Variants in RABEPK observed in about 807,000 individuals in gnomAD.
The protein encoded by RABEPK is Rab9 effector protein with kelch motifs.
A neutral mutation model predicts 34.1 loss-of-function variants in RABEPK; 27 were observed. The observed-to-expected ratio is 0.79, with a 90% CI of 0.58 to 1.09. RABEPK has a LOEUF of 1.09. RABEPK is among the 50% of genes least tolerant of loss of function. RABEPK has a pLI of 0.00. For synonymous variants in RABEPK, 172 were observed against 169.2 expected, an observed-to-expected ratio of 1.02 and a Z score of -0.13; for missense variants, 449 against 462.6, an observed-to-expected ratio of 0.97 and a Z score of 0.27.
chr9:125,214,100 C>T (rs1393598452), intron 4 of RABEPK, among the ~76,000 whole-genome samples: 1 of 149,870 alleles, frequency 6.7e-6, no homozygotes, highest in South Asian at 2.1e-4. Flanking sequence ...CCAGCCTGGG[C>T]GACAGAGTGA....
At chr9:125,217,378 G>T (rs1166655910) in intron 4 of RABEPK, among the ~76,000 whole-genome samples, 1 of 152,028 alleles carries the variant, frequency 6.6e-6, no homozygotes, top group African/African-American at 2.4e-5. Flanking sequence ...GTCAAAGAGG[G>T]TGATTTTATT....
At position 125,231,219 on chromosome 9, in the gene RABEPK, G is replaced by GGGAGGT. The variant is rs991109098; in HGVS notation, c.677-1370_677-1365dup. Among the ~76,000 whole-genome samples, 16 of 152,210 alleles carry GGGAGGT rather than the reference G, an allele frequency of 1.1e-4. 1 individual carries two copies. Among genetic ancestry groups the GGGAGGT allele is most frequent in the African/African-American group, 3.9e-4 (16 of 41,540 alleles). On this transcript the variant is annotated intron_variant, in intron 6 of 7. Coordinates refer to ENST00000373538, the MANE Select transcript of RABEPK (RefSeq NM_005833.4). ...TGAGGCAGGAGCATCGCTTGAATCCGGGAGGTGGAGGTTGCAGTGAGCTGA... is the reference window on the plus strand; with the variant it reads ...TGAGGCAGGAGCATCGCTTGAATCCGGGAGGTGGAGGTGGAGGTTGCAGTGAGCTGA...
At chr9:125,201,207 AC>A (rs1829883927) in intron 1 of RABEPK, among the ~76,000 whole-genome samples, 1 of 152,224 alleles carries the variant, frequency 6.6e-6, no homozygotes, top group South Asian at 2.1e-4. Context: ...GGAAGGTTTC[AC>A]CAGGGAAGGG....
At position 125,226,105 on chromosome 9, in the gene RABEPK, G is replaced by A. The variant is rs184030167; in HGVS notation, c.527-1805G>A. On this transcript the variant is annotated intron_variant, in intron 5 of 7. Transcript: ENST00000373538. ...GCAGAGGTTGCAGCAAGCCAAGATC[G>A]CACCACTGCACTCCAGCCTGGGTAA... is the stretch of plus-strand genomic sequence containing the variant. Among the ~76,000 whole-genome samples the A allele has an allele frequency of 7.3e-5, 11 of 150,212 alleles. No homozygotes were observed. In the East Asian group the frequency reaches 7.8e-4, roughly 11 times the overall value.
In RABEPK at chr9:125,232,644, G is replaced by A; in HGVS notation, c.725G>A (p.Gly242Asp). Residue 242 changes from glycine to aspartate, a missense_variant, in exon 7 of 8, where the codon GGC (glycine) becomes GAC (aspartate). Coordinates refer to ENST00000373538, the MANE Select transcript of RABEPK (RefSeq NM_005833.4). Reference protein sequence around the residue: ...KLNPTGAAPAGCAAHSAVAMG... With the variant: ...KLNPTGAAPADCAAHSAVAMG... ...AATCCCACTGGGGCTGCTCCAGCAG[G>A]CTGTGCTGCCCACTCAGCTGTGGCC... The A allele has an allele frequency of 6.2e-7, 1 of 1,614,088 alleles. No homozygotes were observed. Among genetic ancestry groups the A allele is most frequent in the East Asian group, 2.2e-5 (1 of 44,880 alleles).
At position 125,213,430 on chromosome 9, in the gene RABEPK, G is replaced by C. The variant is rs775330199; in HGVS notation, c.272G>C (p.Ser91Thr). The change falls in exon 4 of 8, where the codon AGC (serine) becomes ACC (threonine). Residue 91 changes from serine to threonine, a missense_variant. Transcript: ENST00000373538. ...KGLLPRYEHA[S>T]FIPSCTPDRI... ...CTCTTGCCCCGGTATGAACATGCTA[G>C]CTTCATTCCCTCCTGCACACCTGAC... 6.2e-7 allele frequency: 1 copy of C among 1,614,006 alleles called. No individual in the cohort carries two copies. The highest frequency in any genetic ancestry group is 8.5e-7 in the Non-Finnish European group (1 of 1,179,914).
intron 5 of RABEPK, among the ~76,000 whole-genome samples, chr9:125,223,812 A>G (rs1306676508): frequency 1.3e-5 from 2 of 152,042 alleles, no homozygotes; most frequent in African/African-American, 4.8e-5. Flanking sequence ...TCCTTGGGAC[A>G]CTGGGGACTC....
intron 4 of RABEPK, among the ~76,000 whole-genome samples, chr9:125,219,786 T>A (rs1180462020): frequency 6.6e-6 from 1 of 152,094 alleles, no homozygotes; most frequent in Non-Finnish European, 1.5e-5. Context: ...CCTACCTCGA[T>A]TTCCCAAACT....
At position 125,220,632 on chromosome 9, in the gene RABEPK, A is replaced by G. The variant is rs1831262521; in HGVS notation, c.458A>G (p.Tyr153Cys). 6.2e-7 allele frequency: 1 copy of G among 1,614,102 alleles called. No homozygotes were observed. Among genetic ancestry groups the G allele is most frequent in the South Asian group, 1.1e-5 (1 of 91,086 alleles). ...TSSAAIGNQL[Y>C]VFGGGERGAQ... ...TCGGCAGCCATTGGAAACCAGCTAT[A>G]TGTCTTTGGGGGCGGAGAGAGAGGT... Residue 153 changes from tyrosine to cysteine, a missense_variant, in exon 5 of 8, where the codon TAT becomes TGT. Physicochemically the swap from Tyr to Cys is radical, Grantham distance 194 (BLOSUM62 -2). Transcript: ENST00000373538.
chr9:125,211,430 G>T (rs529092506), intron 3 of RABEPK, among the ~76,000 whole-genome samples: 2 of 151,732 alleles, frequency 1.3e-5, no homozygotes, highest in South Asian at 4.2e-4. Flanking sequence ...GATTACATGC[G>T]TGAGCCACCA....
chr9:125,225,546 G>T (rs1165539459), intron 5 of RABEPK, among the ~76,000 whole-genome samples: 5 of 152,106 alleles, frequency 3.3e-5, no homozygotes, highest in African/African-American at 7.2e-5. Flanking sequence ...ATTTAGGATG[G>T]GCGCAGTGGC....
chr9:125,220,624 C>A lies in RABEPK; in HGVS notation c.450C>A (p.Asn150Lys), dbSNP rs1831261492. 6.2e-7 allele frequency: 1 copy of A among 1,614,070 alleles called. No individual in the cohort carries two copies. Among genetic ancestry groups the A allele is most frequent in the Non-Finnish European group, 8.5e-7 (1 of 1,180,046 alleles). Residue 150 changes from asparagine (N) to lysine (K), a missense_variant, in exon 5 of 8, where the codon AAC becomes AAA. Physicochemically the swap from Asn to Lys is moderately conservative, Grantham distance 94. Coordinates refer to ENST00000373538, the MANE Select transcript of RABEPK (RefSeq NM_005833.4). Reference sequence around the variant, plus strand: ...ACACATCATCGGCAGCCATTGGAAACCAGCTATATGTCTTTGGGGGCGGAG... The same window carrying A: ...ACACATCATCGGCAGCCATTGGAAAACAGCTATATGTCTTTGGGGGCGGAG... ...TFHTSSAAIG[N>K]QLYVFGGGER...
intron 4 of RABEPK, among the ~76,000 whole-genome samples, chr9:125,215,970 G>C (rs989936315): frequency 7.9e-5 from 12 of 152,082 alleles, no homozygotes; most frequent in Admixed American, 6.6e-4. Flanking sequence ...TTGCTAATTT[G>C]ATAGGCAAAA....
At chr9:125,211,430 G>A (rs529092506) in intron 3 of RABEPK, among the ~76,000 whole-genome samples, 5 of 151,850 alleles carry the variant, frequency 3.3e-5, no homozygotes, top group African/African-American at 7.2e-5. Flanking sequence ...GATTACATGC[G>A]TGAGCCACCA....
In RABEPK at chr9:125,200,873, C is replaced by A; in HGVS notation, c.-40C>A. ...GAAGCCAGCCTAACTGAGCTCTGGA[C>A]TTTGGGGACAGCTGTCAGTGGCCTA... On this transcript the variant is annotated 5_prime_UTR_variant, in exon 1 of 8. Coordinates refer to ENST00000373538, the MANE Select transcript of RABEPK (RefSeq NM_005833.4). 1 of 471,150 alleles carries A rather than the reference C, an allele frequency of 2.1e-6. No homozygotes were observed. Among genetic ancestry groups the A allele is most frequent in the Non-Finnish European group, 4.4e-6 (1 of 227,030 alleles). 29.2% of individuals were successfully genotyped at this position (471,150 alleles called of 1,614,324 possible). A position where few individuals can be genotyped will look rare whatever the true frequency, so the allele number is the denominator to read the frequency against.
intron 6 of RABEPK, among the ~76,000 whole-genome samples, chr9:125,232,245 C>CAG (rs61328963): frequency 0.34 from 51,531 of 149,556 alleles, 8,750 homozygotes; most frequent in South Asian, 0.4. Context: ...CACACACACA[C>CAG]AGAGACAGAG....
At chr9:125,210,336 G>A (rs566290569) in intron 3 of RABEPK, among the ~76,000 whole-genome samples, 36 of 150,834 alleles carry the variant, frequency 2.4e-4, no homozygotes, top group African/African-American at 7.3e-4. Flanking sequence ...TCCGGGAGGC[G>A]GAGCTTGCAG....
rs569770289 is a variant in RABEPK at position 125,220,682 on chromosome 9, C to G, written c.508C>G (p.Leu170Val). The G allele has an allele frequency of 1.5e-5, 24 of 1,614,106 alleles. No homozygotes were observed. The South Asian group carries it at 2.2e-4, about 15-fold the overall frequency. ...TGCCCAGCCCGTGCAGGACACGAAG[C>G]TGCATGTGTTTGACGCAAGTATGGA... ...RGAQPVQDTK[L>V]HVFDANTLTW... The change falls in exon 5 of 8, where the codon CTG becomes GTG. Residue 170 changes from leucine (L) to valine (V), a missense_variant. Transcript: ENST00000373538.
chr9:125,220,536 C>T lies in RABEPK; in HGVS notation c.365-3C>T. 6.2e-7 allele frequency: 1 copy of T among 1,612,268 alleles called. No homozygotes were observed. Reference sequence around the variant, plus strand: ...TTAAGTGCCTGCATTCTCTCTGGCCCAGAAACCAGGACGTGGACCACGCCA... The same window carrying T: ...TTAAGTGCCTGCATTCTCTCTGGCCTAGAAACCAGGACGTGGACCACGCCA... On this transcript the variant is annotated splice_polypyrimidine_tract_variant and splice_region_variant and intron_variant, in intron 4 of 7. Transcript: ENST00000373538.
Sources: allele counts gnomAD v4.1 joint callset (sites outside exome capture counted in the v4.1 genomes callset), GRCh38; gene constraint gnomAD v4.1.1; transcripts MANE v1.5; gene names NCBI Gene and HGNC (gene_info 2026-07-23, HGNC 2026-07-21).